JHY: variants seen among roughly 807,000 people sequenced by gnomAD.
JHY encodes the protein jhy protein homolog.
Under a neutral mutation model 78.0 loss-of-function variants are expected in JHY, and 69 were observed. The observed-to-expected ratio is 0.88, with a 90% confidence interval of 0.73 to 1.08. JHY has a LOEUF of 1.08. Among genes scored for constraint, JHY ranks in the 50% least tolerant of loss-of-function variants. JHY has a pLI of 0.00. For missense variants in JHY, 944 were observed against 927.8 expected (o/e 1.02, Z -0.23); for synonymous variants, 368 against 342.6 (o/e 1.07, Z -0.82).
intron 2 of JHY, among the ~76,000 whole-genome samples, chr11:122,890,067 T>A (rs1267017579): frequency 1.4e-5 from 2 of 137,940 alleles, no homozygotes; most frequent in South Asian, 4.6e-4. Context: ...GTTTTTTTTT[T>A]TCCAACGAAA....
rs762962482 is a variant in JHY at position 122,935,124 on chromosome 11, C to T, written c.1634+49C>T. 11 of 1,463,576 alleles carry T rather than the reference C, an allele frequency of 7.5e-6. No homozygotes were observed. Among genetic ancestry groups the T allele is most frequent in the Non-Finnish European group, 1.8e-6 (2 of 1,090,598 alleles). The allele number at this position is 1,463,576 out of a possible 1,614,324, so 90.7% of individuals were successfully genotyped here. On this transcript the variant is annotated intron_variant, in intron 5 of 8. Transcript: ENST00000227349. The surrounding 1 kb of genome is among the most constrained non-coding windows in gnomAD (Gnocchi z 4.5). The stretch of plus-strand genomic sequence containing the variant: ...GGTTTTCTAGAGGAGAAAGGAGAGA[C>T]TGCTGCAGAAAGACGGGAGAGGAAG...
At chr11:122,906,014 G>A (rs1377127802) in intron 3 of JHY, 1 of 152,002 alleles carries the variant, frequency 6.6e-6, no homozygotes, top group Non-Finnish European at 1.5e-5. Context: ...AATGAAATAG[G>A]TGTAGTATAT....
Position 122,946,659 on chromosome 11 carries a change from G to A in JHY, c.1796G>A (p.Arg599Lys), listed in dbSNP as rs1863969900. The change falls in exon 6 of 9, where the codon AGG becomes AAG. Residue 599 changes from arginine (R) to lysine (K), a missense_variant. Arg to Lys is a conservative substitution (Grantham distance 26, BLOSUM62 2). Coordinates refer to ENST00000227349, the MANE Select transcript of JHY (RefSeq NM_024806.4). ...GTCACGCTTCCACCTATACTGTCAAGGGTAGAAAGTGAATCCCAACTCAGT... is the reference window on the plus strand; with the variant it reads ...GTCACGCTTCCACCTATACTGTCAAAGGTAGAAAGTGAATCCCAACTCAGT... ...SSVTLPPILS[R>K]VESESQLSSE... 5.6e-6 allele frequency: 9 copies of A among 1,614,040 alleles called. No homozygotes were observed. Among genetic ancestry groups the A allele is most frequent in the Non-Finnish European group, 7.6e-6 (9 of 1,180,012 alleles).
chr11:122,929,691 A>G (rs543329296), intron 4 of JHY, among the ~76,000 whole-genome samples: 51 of 152,316 alleles, frequency 3.3e-4, no homozygotes, highest in Non-Finnish European at 4.9e-4. Flanking sequence ...TGAAAAGACT[A>G]AATACCAAAA....
chr11:122,920,711 T>G (rs1172632937), intron 3 of JHY, among the ~76,000 whole-genome samples: 1 of 152,194 alleles, frequency 6.6e-6, no homozygotes, highest in African/African-American at 2.4e-5. Flanking sequence ...GTACAATTTT[T>G]TAATGGCTCT....
intron 3 of JHY, among the ~76,000 whole-genome samples, chr11:122,915,905 C>CT (rs1209592672): frequency 2.6e-5 from 4 of 152,110 alleles, no homozygotes; most frequent in African/African-American, 9.7e-5. Context: ...TGAAAGAACA[C>CT]TAAGTAGAAA....
intron 2 of JHY, among the ~76,000 whole-genome samples, chr11:122,887,621 G>A (rs367830463): frequency 3.3e-5 from 5 of 151,214 alleles, no homozygotes; most frequent in South Asian, 2.1e-4. Context: ...GTGCCCGGCC[G>A]ATTTTTTTTT....
At position 122,917,712 on chromosome 11, in the gene JHY, A is replaced by G. The variant is rs889724074; in HGVS notation, c.865-7185A>G. Among the ~76,000 whole-genome samples, 2 of 152,078 alleles carry G rather than the reference A, an allele frequency of 1.3e-5. No homozygotes were observed. The highest frequency in any genetic ancestry group is 6.6e-5 in the Admixed American group (1 of 15,264). On this transcript the variant is annotated intron_variant, in intron 3 of 8. Transcript: ENST00000227349. The surrounding 1 kb of genome is among the most constrained non-coding windows in gnomAD (Gnocchi z 4.1). ...TTCAGTGCAATGTGTGAGCTTTGTGATTTTTTTGTTTTTATCTCTAATGTG... is the reference window on the plus strand; with the variant it reads ...TTCAGTGCAATGTGTGAGCTTTGTGGTTTTTTTGTTTTTATCTCTAATGTG...
At chr11:122,895,164 C>T (rs1000970008) in intron 2 of JHY, among the ~76,000 whole-genome samples, 1 of 152,170 alleles carries the variant, frequency 6.6e-6, no homozygotes, top group Non-Finnish European at 1.5e-5. Flanking sequence ...AAAAACTTTA[C>T]ACTTAAACAA....
At chr11:122,887,508 A>G (rs572085169) in intron 2 of JHY, among the ~76,000 whole-genome samples, 20 of 152,236 alleles carry the variant, frequency 1.3e-4, no homozygotes, top group African/African-American at 4.3e-4. Context: ...TTTTTAGTAG[A>G]GACGGGGTTT....
intron 2 of JHY, among the ~76,000 whole-genome samples, chr11:122,892,808 T>C (rs4936759): frequency 0.42 from 63,611 of 151,922 alleles, 15,893 homozygotes; most frequent in Middle Eastern, 0.59. Context: ...AAACTCAGGA[T>C]TTTCATTTCC....
At chr11:122,951,722 CTG>C (rs1160815396) in intron 6 of JHY, among the ~76,000 whole-genome samples, 1 of 152,184 alleles carries the variant, frequency 6.6e-6, no homozygotes, top group African/African-American at 2.4e-5. Flanking sequence ...TTGAGAAGAA[CTG>C]TGGTTAATTC....
chr11:122,938,497 G>T (rs4259833), intron 5 of JHY, among the ~76,000 whole-genome samples: 1 of 151,822 alleles, frequency 6.6e-6, no homozygotes, highest in East Asian at 1.9e-4. Context: ...TTTTCTCAAC[G>T]TCTTCTTAGA....
rs974240509 is a variant in JHY at position 122,904,414 on chromosome 11, T to TA, written c.841dup (p.Arg281LysfsTer35). On this transcript the variant is annotated frameshift_variant, in exon 3 of 9. Transcript: ENST00000227349. LOFTEE classifies it high-confidence loss of function. ...CGGACTCTTATCTTCAACTTCACAA[T>TA]AAAAAAAGAGGGGAATCTCATCCAG... The TA allele has an allele frequency of 7.4e-6, 12 of 1,610,850 alleles. No individual in the cohort carries two copies. The highest frequency in any genetic ancestry group is 4.0e-5 in the African/African-American group (3 of 74,454).
chr11:122,907,833 CA>C (rs71057309), intron 3 of JHY, among the ~76,000 whole-genome samples: 9,440 of 83,870 alleles, frequency 0.11, 385 homozygotes, highest in South Asian at 0.26. Flanking sequence ...AACTCTATCT[CA>C]AAAAAAAAAA....
At position 122,959,124 on chromosome 11, in the gene JHY, C is replaced by A; in HGVS notation, c.2140-124C>A. ...TGCATTGTTTGATCTCCATTTCCAC[C>A]AATGTCTTAGTAAGTTATAGTGATA... On this transcript the variant is annotated intron_variant, in intron 8 of 8. Transcript: ENST00000227349. The A allele has an allele frequency of 2.2e-6, 3 of 1,380,010 alleles. No individual in the cohort carries two copies. The South Asian group carries it at 4.6e-5, about 21-fold the overall frequency. 85.5% of individuals were successfully genotyped at this position (1,380,010 alleles called of 1,614,324 possible).
At chr11:122,951,102 C>T (rs1864075332) in intron 6 of JHY, among the ~76,000 whole-genome samples, 1 of 152,160 alleles carries the variant, frequency 6.6e-6, no homozygotes, top group African/African-American at 2.4e-5. Flanking sequence ...TGGCCATTTG[C>T]TGGTCACGTC....
chr11:122,926,187 C>CAAAAAAAAAAAAAAAAAAAAAAAAAA (rs574945272), intron 4 of JHY, among the ~76,000 whole-genome samples: 2 of 40,074 alleles, frequency 5.0e-5, no homozygotes, highest in African/African-American at 1.5e-4. Flanking sequence ...GACTCCATCT[C>CAAAAAAAAAAAAAAAAAAAAAAAAAA]AAAAAAAAAA....
chr11:122,923,649 A>G (rs1480967112), intron 3 of JHY, among the ~76,000 whole-genome samples: 1 of 152,156 alleles, frequency 6.6e-6, no homozygotes, highest in Non-Finnish European at 1.5e-5. Context: ...GCCTTCATTC[A>G]TGGTTCCCAA....
Sources: allele counts gnomAD v4.1 joint callset (sites outside exome capture counted in the v4.1 genomes callset), GRCh38; gene constraint gnomAD v4.1.1; non-coding constraint Gnocchi (gnomAD v3.1); transcripts MANE v1.5; gene names NCBI Gene and HGNC (gene_info 2026-07-23, HGNC 2026-07-21).